The following USP10 variants were observed in gnomAD, a reference collection of about 807,000 sequenced individuals.
USP10 encodes the protein ubiquitin specific peptidase 10.
USP10 carries 22 observed loss-of-function variants against 84.5 expected under a neutral mutation model. That is an observed-to-expected ratio of 0.26 (90% CI 0.19 to 0.37). The LOEUF is 0.37. Among genes scored for constraint, USP10 ranks in the 10% least tolerant of loss-of-function variants. The pLI is 1.00. For missense variants in USP10, 1,019 were observed against 998.9 expected, an observed-to-expected ratio of 1.02 and a Z score of -0.27; for synonymous variants, 454 against 387.6, an observed-to-expected ratio of 1.17 and a Z score of -2.01.
intron 1 of USP10, among the ~76,000 whole-genome samples, chr16:84,713,416 C>G (rs1003141765): frequency 3.9e-5 from 6 of 152,076 alleles, no homozygotes; most frequent in African/African-American, 1.2e-4. Context: ...GTCACCCTGT[C>G]TGCTTGCTCC....
At chr16:84,743,322 C>A (rs1052319337) in intron 3 of USP10, among the ~76,000 whole-genome samples, 3 of 152,160 alleles carry the variant, frequency 2.0e-5, no homozygotes, top group East Asian at 1.9e-4. Flanking sequence ...CTTCACCCCC[C>A]ACAGTCGGGG....
chr16:84,720,576 A>ATT (rs10699847), intron 1 of USP10, among the ~76,000 whole-genome samples: 1,260 of 88,288 alleles, frequency 0.014, 108 homozygotes, highest in African/African-American at 0.034. Context: ...ATGATGCCCA[A>ATT]TTTTTTTTTT....
intron 4 of USP10, among the ~76,000 whole-genome samples, chr16:84,748,771 G>A (rs920287385): frequency 4.6e-5 from 7 of 152,112 alleles, no homozygotes; most frequent in African/African-American, 1.7e-4. Context: ...TAAATAGTTT[G>A]TTATGTTCTG....
At chr16:84,766,196 C>T (rs151001048) in intron 10 of USP10, among the ~76,000 whole-genome samples, 1 of 152,264 alleles carries the variant, frequency 6.6e-6, no homozygotes, top group Non-Finnish European at 1.5e-5. Context: ...CTGACGCCCT[C>T]AGAAGCTGGT....
chr16:84,772,715 G>T (rs756871723), intron 12 of USP10, 30 bp downstream of exon 12: 2 of 1,611,490 alleles, frequency 1.2e-6, no homozygotes, highest in Non-Finnish European at 1.7e-6. Flanking sequence ...GGGAGTGTTC[G>T]TGGTGACACA....
intron 4 of USP10, among the ~76,000 whole-genome samples, chr16:84,748,022 C>CG (rs1911446247): frequency 6.6e-6 from 1 of 151,192 alleles, no homozygotes; most frequent in African/African-American, 2.4e-5. Context: ...GGCGTGGTGG[C>CG]GGGCGCCTGT....
chr16:84,756,312 G>C (rs1190044808), intron 4 of USP10, among the ~76,000 whole-genome samples: 2 of 152,232 alleles, frequency 1.3e-5, no homozygotes, highest in African/African-American at 4.8e-5. Context: ...AAAGGTTTCA[G>C]CCACACACCA....
chr16:84,717,528 G>T (rs539331829), intron 1 of USP10, among the ~76,000 whole-genome samples: 1 of 152,198 alleles, frequency 6.6e-6, no homozygotes, highest in Non-Finnish European at 1.5e-5. Context: ...AATAAGTGTC[G>T]ATTTAGCTTG....
rs1462007130 is a variant in USP10 at position 84,760,247 on chromosome 16, C to T, written c.1526C>T (p.Thr509Ile). 1.9e-6 allele frequency: 3 copies of T among 1,609,552 alleles called. No homozygotes were observed. Among genetic ancestry groups the T allele is most frequent in the African/African-American group, 1.3e-5 (1 of 74,874 alleles). The change falls in exon 8 of 14, where the codon ACA (threonine) becomes ATA (isoleucine). Residue 509 changes from threonine (T) to isoleucine (I), a missense_variant. Physicochemically the swap from Thr to Ile is moderately conservative, Grantham distance 89. This residue lies in a region of USP10 where 787 missense variants were observed against 708.8 expected (regional missense o/e 1.11). Coordinates refer to ENST00000219473, the MANE Select transcript of USP10 (RefSeq NM_005153.3). Reference sequence around the variant, plus strand: ...CCCACATATATTTACAGACTCCTGACAGTTAACAAGTCAAGCCTGTCTGAA... The same window carrying T: ...CCCACATATATTTACAGACTCCTGATAGTTAACAAGTCAAGCCTGTCTGAA... ...FEPTYIYRLL[T>I]VNKSSLSEKG...
At chr16:84,712,859 G>A (rs1464530835) in intron 1 of USP10, among the ~76,000 whole-genome samples, 3 of 152,332 alleles carry the variant, frequency 2.0e-5, no homozygotes, top group East Asian at 1.9e-4. Context: ...CTCAGCAAGT[G>A]TAGTCTGGAG....
intron 1 of USP10, among the ~76,000 whole-genome samples, chr16:84,707,369 T>A (rs577370660): frequency 4.6e-5 from 7 of 152,328 alleles, no homozygotes; most frequent in African/African-American, 1.4e-4. Context: ...TTTAATAAAG[T>A]CGTTTATTTT....
rs1413613285 is a variant in USP10 at position 84,700,103 on chromosome 16, A to G, written c.13A>G (p.Ser5Gly). The G allele has an allele frequency of 3.0e-6, 4 of 1,353,874 alleles. No homozygotes were observed. Among genetic ancestry groups the G allele is most frequent in the Non-Finnish European group, 3.9e-6 (4 of 1,031,942 alleles). The allele number at this position is 1,353,874 out of a possible 1,614,324, so 83.9% of individuals were successfully genotyped here. MALH[S>G]PQYIFGDFSP... ...GAAACGGGCAGCCATGGCCCTCCACAGCCCGCAGGTAGCCGCCGGTCTGCG... is the reference window on the plus strand; with the variant it reads ...GAAACGGGCAGCCATGGCCCTCCACGGCCCGCAGGTAGCCGCCGGTCTGCG... Residue 5 changes from serine to glycine, a missense_variant, in exon 1 of 14, where the codon AGC becomes GGC. By Grantham distance (56) the Ser-to-Gly change is moderately conservative. Around this residue, in one of 2 missense-constraint regions of USP10, gnomAD observed 787 missense variants for 708.8 expected, o/e 1.11. Transcript: ENST00000219473.
chr16:84,748,526 G>C (rs4783056), intron 4 of USP10, among the ~76,000 whole-genome samples: 1 of 151,728 alleles, frequency 6.6e-6, no homozygotes, highest in African/African-American at 2.4e-5. Flanking sequence ...CTGGTCTTGA[G>C]CTCCTGACCT....
chr16:84,737,068 G>A (rs569685285), intron 2 of USP10, among the ~76,000 whole-genome samples: 127 of 152,328 alleles, frequency 8.3e-4, no homozygotes, highest in Middle Eastern at 3.4e-3. Context: ...GATTACAGGC[G>A]TGAGCCACCA....
chr16:84,778,747 G>C (rs1915277208), intron 13 of USP10, 148 bp from the exon 14 acceptor site: 4 of 750,118 alleles, frequency 5.3e-6, no homozygotes, highest in Non-Finnish European at 8.6e-6. Flanking sequence ...AAATAGCATT[G>C]GTTTGTGTGA....
chr16:84,732,572 G>C (rs538725881), intron 1 of USP10: 1 of 339,002 alleles, frequency 2.9e-6, no homozygotes, highest in South Asian at 2.1e-5. Context: ...TCAGCCTCCC[G>C]AGCAGCCGGG....
At chr16:84,770,790 A>G (rs1399806084) in intron 11 of USP10, among the ~76,000 whole-genome samples, 1 of 145,666 alleles carries the variant, frequency 6.9e-6, no homozygotes, top group Non-Finnish European at 1.5e-5. Context: ...AAAAAAAAAA[A>G]TCTCCAGTGG....
intron 1 of USP10, among the ~76,000 whole-genome samples, chr16:84,721,143 G>C (rs143465900): frequency 0.037 from 5,627 of 151,686 alleles, 148 homozygotes; most frequent in South Asian, 0.15. Flanking sequence ...CCACCTGCCT[G>C]GGCCTCCCAA....
chr16:84,708,343 C>T (rs1016414020), intron 1 of USP10, among the ~76,000 whole-genome samples: 2 of 151,904 alleles, frequency 1.3e-5, no homozygotes, highest in Non-Finnish European at 2.9e-5. Flanking sequence ...CCAGCTGCTC[C>T]GAAGGCTGAG....
Sources: allele counts gnomAD v4.1 joint callset (sites outside exome capture counted in the v4.1 genomes callset), GRCh38; gene constraint gnomAD v4.1.1; regional missense constraint gnomAD v4.1.1; transcripts MANE v1.5; gene names NCBI Gene and HGNC (gene_info 2026-07-23, HGNC 2026-07-21).